CCNJL: variants seen among roughly 807,000 people sequenced by gnomAD.
CCNJL encodes the protein cyclin J like.
Under a neutral mutation model 33.4 loss-of-function variants are expected in CCNJL, and 33 were observed. The ratio of observed to expected loss-of-function variants is 0.99; its 90% CI spans 0.75 to 1.32. The LOEUF is 1.32. Ranked by LOEUF, CCNJL falls within the 40% of genes most tolerant of loss-of-function variation. The probability of loss-of-function intolerance (pLI) is 0.00; values close to 1 mark genes in which losing one functional copy is unlikely to be tolerated. For synonymous variants in CCNJL, 227 were observed against 220.9 expected (o/e 1.03, Z -0.24); for missense variants, 512 against 499.7 (o/e 1.02, Z -0.23).
At chr5:160,329,897 C>G (rs1009274369) in intron 1 of CCNJL, among the ~76,000 whole-genome samples, 2 of 152,162 alleles carry the variant, frequency 1.3e-5, no homozygotes, top group Admixed American at 6.5e-5. Context: ...GACACCCGTC[C>G]GCTGTCCTCC....
chr5:160,297,384 G>T (rs1762779627), intron 2 of CCNJL, among the ~76,000 whole-genome samples: 2 of 72,168 alleles, frequency 2.8e-5, no homozygotes, highest in South Asian at 4.1e-4. Flanking sequence ...AAGCCCACCA[G>T]TGACTGCTTG....
chr5:160,292,598 G>C (rs1387568583), intron 2 of CCNJL, among the ~76,000 whole-genome samples: 4 of 152,104 alleles, frequency 2.6e-5, no homozygotes, highest in Non-Finnish European at 4.4e-5. Context: ...TCTAGCCTGG[G>C]TGACAGTGAG....
At chr5:160,306,208 T>C (rs2113443709) in intron 2 of CCNJL, among the ~76,000 whole-genome samples, 1 of 148,140 alleles carries the variant, frequency 6.8e-6, no homozygotes, top group South Asian at 2.1e-4. Context: ...GAGGCAGTGG[T>C]TGCAGTAAGC....
chr5:160,285,418 C>T (rs1242200865), intron 2 of CCNJL, among the ~76,000 whole-genome samples: 1 of 146,090 alleles, frequency 6.8e-6, no homozygotes, highest in Admixed American at 6.8e-5. Context: ...TAACTAATTG[C>T]TGAAAGACAG....
chr5:160,328,262 G>C (rs555433884), intron 1 of CCNJL, among the ~76,000 whole-genome samples: 74 of 152,308 alleles, frequency 4.9e-4, no homozygotes, highest in African/African-American at 1.7e-3. Flanking sequence ...TTTAAACACA[G>C]GAGGAACAGG....
intron 2 of CCNJL, among the ~76,000 whole-genome samples, chr5:160,291,036 T>TAAAAAAAAAAAAAAAAAAAAA (rs1177369719): frequency 1.7e-5 from 1 of 57,540 alleles, no homozygotes; most frequent in Non-Finnish European, 3.0e-5. Flanking sequence ...CGTCTTTACT[T>TAAAAAAAAAAAAAAAAAAAAA]AAAAAAAAAA....
intron 2 of CCNJL, among the ~76,000 whole-genome samples, chr5:160,300,646 C>T (rs1289401369): frequency 6.6e-6 from 1 of 151,892 alleles, no homozygotes; most frequent in African/African-American, 2.4e-5. Context: ...GATTGGACAC[C>T]CCCGCTCTAG....
At chr5:160,307,881 C>T (rs1763142696) in intron 2 of CCNJL, among the ~76,000 whole-genome samples, 1 of 152,160 alleles carries the variant, frequency 6.6e-6, no homozygotes, top group Non-Finnish European at 1.5e-5. Context: ...GAGATTTCTC[C>T]AGAGCAATTT....
chr5:160,320,998 C>CTT (rs762761186), intron 1 of CCNJL, among the ~76,000 whole-genome samples: 1 of 72,606 alleles, frequency 1.4e-5, no homozygotes. Flanking sequence ...TTCTTTCTTT[C>CTT]TCTCTCTCTC....
intron 1 of CCNJL, among the ~76,000 whole-genome samples, chr5:160,323,411 A>T (rs1763499121): frequency 1.3e-5 from 2 of 152,140 alleles, no homozygotes; most frequent in Admixed American, 1.3e-4. Flanking sequence ...TATTTTTACT[A>T]GCTACATAAT....
At chr5:160,269,323 C>T (rs113883307) in intron 3 of CCNJL, 22 of 439,242 alleles carry the variant, frequency 5.0e-5, no homozygotes, top group African/African-American at 1.4e-4. Context: ...GGGTGGGGGC[C>T]ATTTGTCACC....
At chr5:160,337,003 CTTTTTTTTTTTT>C (rs35461944) in intron 1 of CCNJL, among the ~76,000 whole-genome samples, 1 of 95,062 alleles carries the variant, frequency 1.1e-5, no homozygotes, top group Non-Finnish European at 2.0e-5. Context: ...CTTTTTCTTT[CTTTTTTTTTTTT>C]TTTTTTTTGA....
At position 160,282,966 on chromosome 5, in the gene CCNJL, AATATATATATATATAT is replaced by A. The variant is rs70990720; in HGVS notation, c.67-2244_67-2229del. On this transcript the variant is annotated intron_variant, in intron 2 of 5. Transcript: ENST00000257536. ...GTGACCCAGCCATTCCAGTCCTTGG[AATATATATATATATAT>A]ATATATATATATATATATATATATA... 1.5e-3 allele frequency among the ~76,000 whole-genome samples: 66 copies of A among 43,388 alleles called. 1 individual carries two copies. The highest frequency in any genetic ancestry group is 3.4e-3 in the African/African-American group (47 of 13,694). 28.5% of individuals were successfully genotyped at this position (43,388 alleles called of 152,430 possible). A position where few individuals can be genotyped will look rare whatever the true frequency, so the allele number is the denominator to read the frequency against.
chr5:160,331,338 C>T (rs559271958), intron 1 of CCNJL, among the ~76,000 whole-genome samples: 5 of 151,932 alleles, frequency 3.3e-5, no homozygotes, highest in South Asian at 2.1e-4. Context: ...ATTCTCCTGC[C>T]TCAGCCTCCC....
intron 1 of CCNJL, among the ~76,000 whole-genome samples, chr5:160,320,765 T>C (rs968370826): frequency 2.0e-5 from 3 of 151,034 alleles, no homozygotes; most frequent in Non-Finnish European, 4.4e-5. Context: ...CCTCTTTCTT[T>C]TCTTTCTTTC....
chr5:160,294,856 C>G (rs1762702373), intron 2 of CCNJL: 1 of 152,344 alleles, frequency 6.6e-6, no homozygotes, highest in South Asian at 2.1e-4. Context: ...TCTCCGCTTT[C>G]CTCCTGGATC....
chr5:160,314,181 G>A (rs959477727), upstream of CCNJL, among the ~76,000 whole-genome samples: 1 of 151,970 alleles, frequency 6.6e-6, no homozygotes, highest in Non-Finnish European at 1.5e-5. Flanking sequence ...ACAAACAAAC[G>A]AACAAAAAAA....
chr5:160,290,519 C>T (rs559500178), intron 2 of CCNJL, among the ~76,000 whole-genome samples: 4 of 152,242 alleles, frequency 2.6e-5, no homozygotes, highest in Admixed American at 1.3e-4. Context: ...CTGCCTGCCT[C>T]GGCCTCCCAA....
At chr5:160,287,625 G>A (rs548534569) in intron 2 of CCNJL, among the ~76,000 whole-genome samples, 5 of 152,358 alleles carry the variant, frequency 3.3e-5, no homozygotes, top group Admixed American at 6.5e-5. Flanking sequence ...CTTGACCTAA[G>A]TCCACTTGAA....
Sources: allele counts gnomAD v4.1 joint callset (sites outside exome capture counted in the v4.1 genomes callset), GRCh38; gene constraint gnomAD v4.1.1; transcripts MANE v1.5; gene names NCBI Gene and HGNC (gene_info 2026-07-23, HGNC 2026-07-21).